The following ERBIN variants were observed in gnomAD, a reference collection of about 807,000 sequenced individuals.
ERBIN encodes erbb2 interacting protein, also known as densin-180-like protein.
ERBIN carries 60 observed loss-of-function variants against 158.4 expected under a neutral mutation model. That is an observed-to-expected ratio of 0.38 (90% CI 0.31 to 0.47). The LOEUF is 0.47. Among genes scored for constraint, ERBIN ranks in the 20% least tolerant of loss-of-function variants. The pLI, the probability that ERBIN is intolerant of heterozygous loss-of-function variation, is 0.99. For missense variants in ERBIN, 1,610 were observed against 1,648.0 expected, an observed-to-expected ratio of 0.98 and a Z score of 0.40; for synonymous variants, 594 against 557.2, an observed-to-expected ratio of 1.07 and a Z score of -0.93.
chr5:66,016,632 G>A (rs927329087), intron 7 of ERBIN, among the ~76,000 whole-genome samples: 3 of 75,046 alleles, frequency 4.0e-5, no homozygotes, highest in African/African-American at 1.8e-4. Flanking sequence ...TTTTTTTTTT[G>A]AGACGGAGTC....
intron 1 of ERBIN, among the ~76,000 whole-genome samples, chr5:65,956,322 C>G (rs1406106916): frequency 1.3e-5 from 2 of 150,274 alleles, no homozygotes; most frequent in African/African-American, 2.4e-5. Context: ...ATTTACTTAT[C>G]TTTTCACTGA....
chr5:65,943,607 C>T (rs937731035), intron 1 of ERBIN, among the ~76,000 whole-genome samples: 1 of 152,206 alleles, frequency 6.6e-6, no homozygotes, highest in African/African-American at 2.4e-5. Flanking sequence ...AAGTCCAACT[C>T]AAGTACCATT....
At chr5:65,976,723 G>C (rs1047577399) in intron 1 of ERBIN, among the ~76,000 whole-genome samples, 16 of 151,234 alleles carry the variant, frequency 1.1e-4, no homozygotes, top group Middle Eastern at 3.4e-3. Flanking sequence ...TGACTCTTAC[G>C]GAGCATGCTG....
rs1364534762 is a variant in ERBIN, at chr5:66,006,430, C to T, written c.308-5619C>T. 2.6e-5 allele frequency among the ~76,000 whole-genome samples: 4 copies of T among 152,108 alleles called. No individual in the cohort carries two copies. The East Asian group carries it at 5.8e-4, about 22-fold the overall frequency. On this transcript the variant is annotated intron_variant, in intron 4 of 25. Transcript: ENST00000284037. ...AAGACTTACATGTTAGACCTAAAAC[C>T]ATAAAAACCCTAGAAGAAAACCTAG...
intron 1 of ERBIN, among the ~76,000 whole-genome samples, chr5:65,953,552 G>A (rs1746758368): frequency 6.6e-6 from 1 of 152,082 alleles, no homozygotes; most frequent in African/African-American, 2.4e-5. Context: ...TACAGTGGTC[G>A]TCCAAGTCAC....
chr5:66,052,734 A>G (rs987175974), intron 20 of ERBIN, among the ~76,000 whole-genome samples: 9 of 152,208 alleles, frequency 5.9e-5, no homozygotes, highest in Non-Finnish European at 7.4e-5. Flanking sequence ...TAGAAATAAA[A>G]TATTTTGTAT....
intron 4 of ERBIN, among the ~76,000 whole-genome samples, chr5:66,011,490 C>G (rs1316434896): frequency 2.6e-5 from 4 of 152,140 alleles, no homozygotes; most frequent in Non-Finnish European, 5.9e-5. Context: ...GAGTTCGAGA[C>G]CAGTCTGACC....
chr5:66,069,685 TGAA>T lies in ERBIN; in HGVS notation c.3634-2482_3634-2480del, dbSNP rs564149693. On this transcript the variant is annotated intron_variant, in intron 21 of 25. Transcript: ENST00000284037. ...TTAAGATTTTTTTCCCATAACAACT[TGAA>T]GTAGTAGCATGGTCTCTAGAATATT... 2.2e-3 allele frequency among the ~76,000 whole-genome samples: 342 copies of T among 152,320 alleles called. 1 individual carries two copies. Among genetic ancestry groups the T allele is most frequent in the Non-Finnish European group, 2.8e-3 (192 of 68,020 alleles).
At position 66,081,710 on chromosome 5, in the gene ERBIN, G is replaced by A. The variant is rs1003585792; in HGVS notation, c.*3180G>A. 8 of 152,046 alleles carry A rather than the reference G, an allele frequency of 5.3e-5. No homozygotes were observed. The highest frequency in any genetic ancestry group is 1.2e-4 in the Non-Finnish European group (8 of 67,954). The allele number at this position is 152,046 out of a possible 1,614,324, so 9.4% of individuals were successfully genotyped here. A position where few individuals can be genotyped will look rare whatever the true frequency, so the allele number is the denominator to read the frequency against. ...CTTCTAAAGGGAGGCATTAAGATGG[G>A]AAATGTTTCTCTGATGGAGATTGAC... On this transcript the variant is annotated 3_prime_UTR_variant, in exon 26 of 26. Transcript: ENST00000284037.
chr5:65,953,185 A>G (rs1746720902), intron 1 of ERBIN, among the ~76,000 whole-genome samples: 1 of 152,196 alleles, frequency 6.6e-6, no homozygotes, highest in African/African-American at 2.4e-5. Flanking sequence ...CATCCCAAGC[A>G]ACATGTTCAC....
In ERBIN at chr5:66,043,150, T is replaced by C. The variant is rs746047195; in HGVS notation, c.1380T>C (p.Val460=). Residue 460 remains valine, a synonymous_variant, in exon 16 of 26, where the codon GTT becomes GTC. Transcript: ENST00000284037. ...WEEQRKQRAQ[V]AFECDEDKDE... is the part of the protein sequence containing the mutation. The stretch of plus-strand genomic sequence containing the variant: ...AACAGAGGAAACAGCGGGCTCAAGT[T>C]GCATTTGAATGTGATGAAGACAAAG... 4.3e-6 allele frequency: 7 copies of C among 1,613,304 alleles called. No individual in the cohort carries two copies. The East Asian group carries it at 8.9e-5, about 21-fold the overall frequency.
chr5:66,049,522 A>G (rs2151222979), intron 19 of ERBIN, among the ~76,000 whole-genome samples: 1 of 152,176 alleles, frequency 6.6e-6, no homozygotes, highest in East Asian at 1.9e-4. Context: ...TGTCACAATA[A>G]CCCCCATGAT....
intron 21 of ERBIN, among the ~76,000 whole-genome samples, chr5:66,071,389 G>T (rs1422616763): frequency 1.3e-5 from 2 of 150,372 alleles, no homozygotes; most frequent in African/African-American, 5.0e-5. Flanking sequence ...AAGAAAGAAA[G>T]AAATATTCAG....
intron 1 of ERBIN, among the ~76,000 whole-genome samples, chr5:65,944,038 A>G (rs182694208): frequency 1.3e-5 from 2 of 152,204 alleles, no homozygotes; most frequent in Non-Finnish European, 2.9e-5. Flanking sequence ...TTGCTTATCC[A>G]TTCATCTGTG....
chr5:65,952,750 A>G (rs1746663558), intron 1 of ERBIN, among the ~76,000 whole-genome samples: 1 of 152,196 alleles, frequency 6.6e-6, no homozygotes, highest in Non-Finnish European at 1.5e-5. Flanking sequence ...AACTCATAGA[A>G]CTTGTGGTTT....
chr5:65,929,744 G>A (rs1743136273), intron 1 of ERBIN, among the ~76,000 whole-genome samples: 2 of 150,298 alleles, frequency 1.3e-5, no homozygotes, highest in Non-Finnish European at 2.9e-5. Context: ...GGGTTCCAGC[G>A]ATTCTCCTGC....
chr5:66,033,522 A>C (rs1195311351), intron 14 of ERBIN, among the ~76,000 whole-genome samples: 1 of 152,178 alleles, frequency 6.6e-6, no homozygotes, highest in Non-Finnish European at 1.5e-5. Flanking sequence ...TAATAGGATA[A>C]ATGCTGTTGA....
intron 1 of ERBIN, among the ~76,000 whole-genome samples, chr5:65,981,570 A>T (rs1409471677): frequency 1.3e-5 from 2 of 152,208 alleles, no homozygotes; most frequent in Non-Finnish European, 2.9e-5. Flanking sequence ...GGAGGTGCTT[A>T]TGGTACAGAT....
At chr5:66,077,174 G>A (rs1300532442) in intron 25 of ERBIN, among the ~76,000 whole-genome samples, 1 of 148,810 alleles carries the variant, frequency 6.7e-6, no homozygotes, top group Non-Finnish European at 1.5e-5. Context: ...AAAAAAGTTT[G>A]ATACATCATA....
Sources: allele counts gnomAD v4.1 joint callset (sites outside exome capture counted in the v4.1 genomes callset), GRCh38; gene constraint gnomAD v4.1.1; transcripts MANE v1.5; gene names NCBI Gene and HGNC (gene_info 2026-07-23, HGNC 2026-07-21).